Variants in FAM168A observed in about 807,000 individuals in gnomAD.
FAM168A encodes protein FAM168A.
A neutral mutation model predicts 28.5 loss-of-function variants in FAM168A; 3 were observed. That is an observed-to-expected ratio of 0.11 (90% CI 0.05 to 0.27). The LOEUF is 0.27. Among genes scored for constraint, FAM168A ranks in the 10% least tolerant of loss-of-function variants. FAM168A has a pLI of 1.00. For missense variants in FAM168A, 222 were observed against 311.5 expected (o/e 0.71, Z 2.16); for synonymous variants, 122 against 124.2 (o/e 0.98, Z 0.12).
intron 1 of FAM168A, among the ~76,000 whole-genome samples, chr11:73,498,088 C>T (rs531519398): frequency 6.6e-6 from 1 of 152,290 alleles, no homozygotes; most frequent in South Asian, 2.1e-4. Flanking sequence ...ATGAGGCCGA[C>T]TAGTACAGCA....
At chr11:73,581,516 C>A (rs1302846413) in intron 1 of FAM168A, among the ~76,000 whole-genome samples, 1 of 152,214 alleles carries the variant, frequency 6.6e-6, no homozygotes, top group Non-Finnish European at 1.5e-5. Context: ...CTGTCCAAGT[C>A]AGACAGCTAG....
intron 1 of FAM168A, among the ~76,000 whole-genome samples, chr11:73,536,518 T>G (rs559167983): frequency 6.6e-6 from 1 of 152,014 alleles, no homozygotes; most frequent in South Asian, 2.1e-4. Context: ...AGAAACCCCA[T>G]CTCTACTAAA....
intron 1 of FAM168A, among the ~76,000 whole-genome samples, chr11:73,591,509 T>A (rs1460456087): frequency 6.6e-6 from 1 of 152,190 alleles, no homozygotes; most frequent in African/African-American, 2.4e-5. Context: ...AATTACCCTC[T>A]TGAATCTTTT....
At chr11:73,498,856 A>C (rs1854945411) in intron 1 of FAM168A, among the ~76,000 whole-genome samples, 1 of 152,112 alleles carries the variant, frequency 6.6e-6, no homozygotes, top group South Asian at 2.1e-4. Flanking sequence ...CAGGGATGGA[A>C]TTTGGATCTC....
intron 3 of FAM168A, 194 bp downstream of exon 3, chr11:73,430,496 G>A: frequency 1.8e-6 from 1 of 560,862 alleles, no homozygotes; most frequent in African/African-American, 1.9e-5. Flanking sequence ...ACAGAGTGGA[G>A]GAGATTCTAT....
chr11:73,505,963 A>C (rs1413802772), intron 1 of FAM168A, among the ~76,000 whole-genome samples: 2 of 152,186 alleles, frequency 1.3e-5, no homozygotes, highest in Non-Finnish European at 2.9e-5. Flanking sequence ...TTATAAATTC[A>C]ATATGACTAT....
intron 2 of FAM168A, among the ~76,000 whole-genome samples, chr11:73,434,974 T>C (rs1413675901): frequency 2.0e-5 from 3 of 152,234 alleles, no homozygotes; most frequent in Non-Finnish European, 4.4e-5. Context: ...TCTAGCAGTG[T>C]ATAAGTGCCT....
At chr11:73,531,971 ATTTTT>A (rs1016007383) in intron 1 of FAM168A, among the ~76,000 whole-genome samples, 1 of 123,478 alleles carries the variant, frequency 8.1e-6, no homozygotes, top group African/African-American at 3.0e-5. Flanking sequence ...TGCCTGGCTA[ATTTTT>A]TTTTTTTTTT....
At chr11:73,517,283 G>A (rs956172744) in intron 1 of FAM168A, among the ~76,000 whole-genome samples, 2 of 152,056 alleles carry the variant, frequency 1.3e-5, no homozygotes, top group South Asian at 2.1e-4. Context: ...CTCTCACCTC[G>A]GCCTCCCAAA....
At chr11:73,501,637 C>T (rs1318057589) in intron 1 of FAM168A, among the ~76,000 whole-genome samples, 4 of 152,102 alleles carry the variant, frequency 2.6e-5, no homozygotes, top group Admixed American at 6.6e-5. Context: ...TTCTTTGAAA[C>T]CAATGAGAAC....
intron 1 of FAM168A, among the ~76,000 whole-genome samples, chr11:73,477,606 A>G (rs1336201617): frequency 6.6e-6 from 1 of 152,144 alleles, no homozygotes; most frequent in Non-Finnish European, 1.5e-5. Flanking sequence ...AAAACAACTT[A>G]TCTGATAAAA....
At chr11:73,591,654 T>G (rs920500248) in intron 1 of FAM168A, among the ~76,000 whole-genome samples, 1 of 152,118 alleles carries the variant, frequency 6.6e-6, no homozygotes, top group African/African-American at 2.4e-5. Flanking sequence ...TGAACAGAGG[T>G]GCACGCCACC....
chr11:73,519,876 G>A (rs781771671), intron 1 of FAM168A, among the ~76,000 whole-genome samples: 14 of 151,004 alleles, frequency 9.3e-5, no homozygotes, highest in Non-Finnish European at 1.8e-4. Flanking sequence ...TGCCCAGACT[G>A]GTCTCAAACT....
At chr11:73,461,945 AAG>A (rs745404619) in intron 2 of FAM168A, among the ~76,000 whole-genome samples, 5 of 151,650 alleles carry the variant, frequency 3.3e-5, no homozygotes, top group Non-Finnish European at 5.9e-5. Flanking sequence ...CTATTATTTA[AAG>A]AGAGAGAGAG....
At chr11:73,481,561 T>C (rs1651665326) in intron 1 of FAM168A, among the ~76,000 whole-genome samples, 1 of 152,184 alleles carries the variant, frequency 6.6e-6, no homozygotes. Context: ...AAATCAGCAA[T>C]CCTCAGAGTC....
At chr11:73,593,096 T>C (rs946321157) in intron 1 of FAM168A, among the ~76,000 whole-genome samples, 1 of 152,162 alleles carries the variant, frequency 6.6e-6, no homozygotes, top group Non-Finnish European at 1.5e-5. Context: ...AAAAATATAC[T>C]GTTTAGGGAT....
At chr11:73,452,130 T>A (rs1867441986) in intron 2 of FAM168A, 1 of 152,290 alleles carries the variant, frequency 6.6e-6, no homozygotes, top group African/African-American at 2.4e-5. Context: ...GACAGTTTTT[T>A]CTTCATCTGT....
chr11:73,417,001 G>C lies in FAM168A; in HGVS notation c.277+2873C>G, dbSNP rs139848567. Among the ~76,000 whole-genome samples, 72 of 152,296 alleles carry C rather than the reference G, an allele frequency of 4.7e-4. 1 individual carries two copies. In the Middle Eastern group the frequency reaches 0.01, roughly 22 times the overall value. On this transcript the variant is annotated intron_variant, in intron 4 of 7. Coordinates refer to ENST00000356467, the MANE Select transcript of FAM168A (RefSeq NM_015159.3). ...TCTTTTTCAGGGACTGTGATAGCCT[G>C]TCTGGGAGGGAACAGTGGGATGTGG...
At chr11:73,562,583 T>C (rs1250422768) in intron 1 of FAM168A, among the ~76,000 whole-genome samples, 1 of 152,028 alleles carries the variant, frequency 6.6e-6, no homozygotes, top group Non-Finnish European at 1.5e-5. Context: ...TCTCAGAACT[T>C]TGGGAGGCTG....
Sources: allele counts gnomAD v4.1 joint callset (sites outside exome capture counted in the v4.1 genomes callset), GRCh38; gene constraint gnomAD v4.1.1; transcripts MANE v1.5; gene names NCBI Gene and HGNC (gene_info 2026-07-23, HGNC 2026-07-21).